Variants in RGS6 observed in about 807,000 individuals in gnomAD.
The protein encoded by RGS6 is regulator of G-protein signaling 6.
Under a neutral mutation model 78.5 loss-of-function variants are expected in RGS6, and 30 were observed. The observed-to-expected ratio is 0.38, with a 90% confidence interval of 0.29 to 0.52. The LOEUF is 0.52. Among genes scored for constraint, RGS6 ranks in the 20% least tolerant of loss-of-function variants. The probability of loss-of-function intolerance (pLI) is 0.85; values close to 1 mark genes in which losing one functional copy is unlikely to be tolerated. For synonymous variants in RGS6, 206 were observed against 206.0 expected (o/e 1.00, Z 0.00); for missense variants, 495 against 609.7 (o/e 0.81, Z 1.98).
intron 2 of RGS6, among the ~76,000 whole-genome samples, chr14:72,136,831 T>C (rs1342790120): frequency 1.3e-5 from 2 of 152,222 alleles, no homozygotes; most frequent in African/African-American, 4.8e-5. Flanking sequence ...ATGCTGTCCA[T>C]CAAATTGTTA....
the RGS6 span, among the ~76,000 whole-genome samples, chr14:72,600,011 C>T: frequency 3.1e-4 from 47 of 152,248 alleles, no homozygotes; most frequent in African/African-American, 8.9e-4. Flanking sequence ...GCCTGCCCCT[C>T]CGGTGGGCCC....
chr14:72,533,947 T>C (rs1197811705), intron 15 of RGS6, among the ~76,000 whole-genome samples: 2 of 152,226 alleles, frequency 1.3e-5, no homozygotes, highest in African/African-American at 4.8e-5. Flanking sequence ...TACATCAACT[T>C]AGTTGATAAA....
chr14:72,437,658 T>C (rs1023253374), intron 3 of RGS6, among the ~76,000 whole-genome samples: 15 of 152,224 alleles, frequency 9.9e-5, no homozygotes, highest in African/African-American at 3.6e-4. Context: ...TTTGGGAACA[T>C]TCTTAGCGTG....
chr14:71,888,045 T>C, the RGS6 span, among the ~76,000 whole-genome samples: 3 of 152,082 alleles, frequency 2.0e-5, no homozygotes, highest in Non-Finnish European at 2.9e-5. Flanking sequence ...GTAAAATTCC[T>C]CTCTTTATAC....
intron 3 of RGS6, among the ~76,000 whole-genome samples, chr14:72,382,458 T>C (rs1470880181): frequency 2.0e-5 from 3 of 152,168 alleles, no homozygotes; most frequent in African/African-American, 7.2e-5. Flanking sequence ...TATGCACAAG[T>C]GTGTGGAACA....
intron 2 of RGS6, among the ~76,000 whole-genome samples, chr14:72,230,650 C>T (rs930354875): frequency 2.0e-5 from 3 of 152,158 alleles, no homozygotes; most frequent in Non-Finnish European, 4.4e-5. Flanking sequence ...TCTGAAATCT[C>T]TAGGACAGGA....
At chr14:72,599,953 G>A in the RGS6 span, among the ~76,000 whole-genome samples, 1 of 152,130 alleles carries the variant, frequency 6.6e-6, no homozygotes, top group Non-Finnish European at 1.5e-5. Flanking sequence ...AGGCCTCAGG[G>A]GGACTTCCAG....
At chr14:72,063,292 T>C (rs2093981339) in intron 2 of RGS6, among the ~76,000 whole-genome samples, 1 of 152,070 alleles carries the variant, frequency 6.6e-6, no homozygotes, top group African/African-American at 2.4e-5. Flanking sequence ...AGTGAAGTGA[T>C]CCACAGCTAC....
intron 2 of RGS6, among the ~76,000 whole-genome samples, chr14:72,225,518 G>C (rs902893938): frequency 6.6e-6 from 1 of 151,948 alleles, no homozygotes; most frequent in East Asian, 1.9e-4. Flanking sequence ...TTGTAGAAAT[G>C]GGTTTTCATC....
At chr14:72,534,924 G>T (rs896210297) in intron 15 of RGS6, among the ~76,000 whole-genome samples, 4 of 152,142 alleles carry the variant, frequency 2.6e-5, no homozygotes, top group Admixed American at 6.5e-5. Flanking sequence ...AGCATACATG[G>T]GGGAAGATGC....
chr14:72,394,203 G>C (rs1429414309), intron 3 of RGS6, among the ~76,000 whole-genome samples: 3 of 151,978 alleles, frequency 2.0e-5, no homozygotes, highest in Admixed American at 6.6e-5. Context: ...TTTTAAAGCT[G>C]GGTGTCCGGG....
intron 2 of RGS6, among the ~76,000 whole-genome samples, chr14:72,181,163 A>G (rs990105501): frequency 6.6e-6 from 1 of 152,244 alleles, no homozygotes; most frequent in Non-Finnish European, 1.5e-5. Flanking sequence ...TTTAATTATA[A>G]TTCACATCAG....
At chr14:72,199,160 G>C (rs1210485388) in intron 2 of RGS6, among the ~76,000 whole-genome samples, 2 of 152,210 alleles carry the variant, frequency 1.3e-5, no homozygotes, top group African/African-American at 4.8e-5. Flanking sequence ...ACAAAGTGAA[G>C]GCCCAGTGAT....
At chr14:72,090,355 C>T (rs1359884315) in intron 2 of RGS6, among the ~76,000 whole-genome samples, 2 of 152,078 alleles carry the variant, frequency 1.3e-5, no homozygotes, top group African/African-American at 2.4e-5. Flanking sequence ...GTTGAGCGAG[C>T]GTTACTGCCT....
At chr14:72,503,468 C>G (rs1315953590) in intron 13 of RGS6, among the ~76,000 whole-genome samples, 1 of 152,136 alleles carries the variant, frequency 6.6e-6, no homozygotes, top group African/African-American at 2.4e-5. Context: ...ACCATTCATC[C>G]TGAGGCAAAT....
At chr14:72,597,781 G>A in the RGS6 span, among the ~76,000 whole-genome samples, 4 of 152,088 alleles carry the variant, frequency 2.6e-5, no homozygotes, top group Admixed American at 1.3e-4. Context: ...CTTGGGTGCC[G>A]TGGGACATTC....
chr14:72,477,100 G>GT, intron 11 of RGS6: 1 of 430,006 alleles, frequency 2.3e-6, no homozygotes, highest in Non-Finnish European at 4.2e-6. Context: ...GGTAACTGCT[G>GT]TAATGGGGTT....
intron 2 of RGS6, among the ~76,000 whole-genome samples, chr14:72,027,689 G>T (rs967691966): frequency 6.6e-6 from 1 of 152,198 alleles, no homozygotes; most frequent in African/African-American, 2.4e-5. Flanking sequence ...AAGCCATTGT[G>T]CATGCCTGCC....
At chr14:72,556,820 C>T (rs914181463) in intron 17 of RGS6, among the ~76,000 whole-genome samples, 2 of 152,140 alleles carry the variant, frequency 1.3e-5, no homozygotes, top group Admixed American at 1.3e-4. Flanking sequence ...AATCAGTGAA[C>T]GTCTCTTTTT....
Sources: gnomAD v4.1 joint callset for allele counts (sites outside exome capture counted in the v4.1 genomes callset) on GRCh38, gnomAD v4.1.1 for gene constraint, MANE v1.5 for transcripts, NCBI Gene and HGNC (gene_info 2026-07-23, HGNC 2026-07-21) for gene names.